The following TEC variants were observed in gnomAD, a reference collection of about 807,000 sequenced individuals.
TEC encodes tyrosine-protein kinase Tec.
TEC carries 72 observed loss-of-function variants against 93.0 expected under a neutral mutation model. The ratio of observed to expected loss-of-function variants is 0.77; its 90% confidence interval spans 0.64 to 0.94. The LOEUF is 0.94. Ranked by LOEUF, TEC falls within the 40% of genes least tolerant of loss-of-function variation. The probability of loss-of-function intolerance (pLI) is 0.00; values close to 1 mark genes in which losing one functional copy is unlikely to be tolerated. For missense variants in TEC, 630 were observed against 757.9 expected, an observed-to-expected ratio of 0.83 and a Z score of 1.98; for synonymous variants, 249 against 247.7, an observed-to-expected ratio of 1.01 and a Z score of -0.05.
chr4:48,269,412 G>T (rs894895756), intron 1 of TEC, among the ~76,000 whole-genome samples: 6 of 152,260 alleles, frequency 3.9e-5, no homozygotes, highest in Non-Finnish European at 8.8e-5. Flanking sequence ...CCCCAACGCT[G>T]AACTTGCCGC....
Position 48,170,289 on chromosome 4 carries a change from T to A in TEC, c.413A>T (p.Lys138Ile). 6.3e-7 allele frequency: 1 copy of A among 1,593,752 alleles called. No individual in the cohort carries two copies. The highest frequency in any genetic ancestry group is 8.6e-7 in the Non-Finnish European group (1 of 1,163,002). ...GTATTTTTCACATCCGGGTGCTAAT[T>A]TTTCAGTTTGTCTACAACACTGATA... ...GSYQCCRQTE[K>I]LAPGCEKYNL... The change falls in exon 5 of 18, where the codon AAA becomes ATA. Residue 138 changes from lysine to isoleucine, a missense_variant. By Grantham distance (102) the Lys-to-Ile change is moderately radical. This residue lies in a region of TEC where 335 missense variants were observed against 351.5 expected (regional missense o/e 0.95). Coordinates refer to ENST00000381501, the MANE Select transcript of TEC (RefSeq NM_003215.3).
At chr4:48,210,663 C>A (rs183529844) in intron 2 of TEC, among the ~76,000 whole-genome samples, 1 of 152,316 alleles carries the variant, frequency 6.6e-6, no homozygotes, top group East Asian at 1.9e-4. Context: ...CGACCCCCAA[C>A]AGAGTTCCAT....
chr4:48,166,419 T>C (rs1424822355), intron 7 of TEC, among the ~76,000 whole-genome samples: 1 of 152,312 alleles, frequency 6.6e-6, no homozygotes, highest in African/African-American at 2.4e-5. Context: ...TTCTCATTTG[T>C]ACTCTTCCTC....
chr4:48,212,341 T>A (rs1338989065), intron 2 of TEC, among the ~76,000 whole-genome samples: 1 of 151,942 alleles, frequency 6.6e-6, no homozygotes, highest in Non-Finnish European at 1.5e-5. Flanking sequence ...AGGAAACATA[T>A]GAATAGAGGT....
At chr4:48,190,031 G>A (rs1196271660) in intron 2 of TEC, among the ~76,000 whole-genome samples, 34 of 152,112 alleles carry the variant, frequency 2.2e-4, no homozygotes, top group Admixed American at 2.2e-3. Flanking sequence ...TAAGCATCAT[G>A]GGAAGTAGGG....
chr4:48,199,156 C>A (rs1722404340), intron 2 of TEC, among the ~76,000 whole-genome samples: 1 of 152,212 alleles, frequency 6.6e-6, no homozygotes. Context: ...CAGAGCAGAT[C>A]TGCCTGGCTT....
intron 9 of TEC, 35 bp from the exon 10 acceptor site, chr4:48,150,977 CTAAT>C (rs1266450881): frequency 7.5e-7 from 1 of 1,339,776 alleles, no homozygotes; most frequent in Non-Finnish European, 1.0e-6. Flanking sequence ...TTTTTTTACT[CTAAT>C]TACTAATAGC....
At chr4:48,176,047 C>A (rs45598338) in intron 3 of TEC, 35 bp downstream of exon 3, 208,974 of 1,507,388 alleles carry the variant, frequency 0.14, 15,707 homozygotes, top group East Asian at 0.29. Context: ...TGACTAAGCC[C>A]AGCACTGCAC....
intron 14 of TEC, among the ~76,000 whole-genome samples, chr4:48,144,322 A>T (rs898858464): frequency 2.0e-5 from 3 of 152,230 alleles, no homozygotes; most frequent in African/African-American, 7.2e-5. Flanking sequence ...CCCAAATGAA[A>T]ATTACACTCT....
chr4:48,166,625 AT>A (rs1481366766), intron 7 of TEC, among the ~76,000 whole-genome samples: 1 of 151,964 alleles, frequency 6.6e-6, no homozygotes, highest in African/African-American at 2.4e-5. Context: ...AATGTTGGTA[AT>A]TTTTGAAGTC....
At chr4:48,225,854 C>T (rs984021566) in intron 2 of TEC, among the ~76,000 whole-genome samples, 1 of 152,024 alleles carries the variant, frequency 6.6e-6, no homozygotes, top group Non-Finnish European at 1.5e-5. Flanking sequence ...ATCAAAACGC[C>T]CAGCTCATCA....
At chr4:48,170,201 C>G (rs2271174) in intron 5 of TEC, 47 bp downstream of exon 5, 1 of 1,440,916 alleles carries the variant, frequency 6.9e-7, no homozygotes, top group Non-Finnish European at 9.6e-7. Context: ...ACCAATAATA[C>G]GTTCATTCTA....
At chr4:48,221,440 G>T (rs1179485582) in intron 2 of TEC, among the ~76,000 whole-genome samples, 1 of 152,198 alleles carries the variant, frequency 6.6e-6, no homozygotes, top group Non-Finnish European at 1.5e-5. Context: ...GTATGTGTTT[G>T]CTTCCCCTTC....
chr4:48,263,858 G>A (rs1025870464), intron 1 of TEC, among the ~76,000 whole-genome samples: 2 of 152,150 alleles, frequency 1.3e-5, no homozygotes, highest in African/African-American at 4.8e-5. Context: ...GGCATCTGAG[G>A]TCCAAACTCG....
chr4:48,145,010 G>A (rs1337803016), intron 14 of TEC, 69 bp downstream of exon 14: 1 of 1,420,338 alleles, frequency 7.0e-7, no homozygotes, highest in African/African-American at 1.4e-5. Flanking sequence ...ATACATCATT[G>A]CACATTTGCT....
At chr4:48,247,507 GAATA>G (rs1042677530) in intron 1 of TEC, among the ~76,000 whole-genome samples, 2 of 150,272 alleles carry the variant, frequency 1.3e-5, no homozygotes, top group African/African-American at 2.5e-5. Context: ...ACTGATGAAT[GAATA>G]AACAAAATTT....
chr4:48,182,435 T>C (rs1721628364), intron 2 of TEC, among the ~76,000 whole-genome samples: 4 of 152,130 alleles, frequency 2.6e-5, no homozygotes, highest in South Asian at 2.1e-4. Context: ...CACCTTTGAA[T>C]CCTCTATGAA....
chr4:48,156,988 T>C (rs967254816), intron 8 of TEC, among the ~76,000 whole-genome samples: 2 of 152,218 alleles, frequency 1.3e-5, no homozygotes, highest in African/African-American at 2.4e-5. Context: ...TCAAACTACA[T>C]AGGCTATACG....
intron 17 of TEC, among the ~76,000 whole-genome samples, chr4:48,138,010 T>G (rs1719504212): frequency 6.6e-6 from 1 of 152,168 alleles, no homozygotes; most frequent in African/African-American, 2.4e-5. Flanking sequence ...GTACAGCAAG[T>G]GGTTGAGACT....
Sources: allele counts gnomAD v4.1 joint callset (sites outside exome capture counted in the v4.1 genomes callset), GRCh38; gene constraint gnomAD v4.1.1; regional missense constraint gnomAD v4.1.1; transcripts MANE v1.5; gene names NCBI Gene and HGNC (gene_info 2026-07-23, HGNC 2026-07-21).